Variants in IPO8 observed in about 807,000 individuals in gnomAD.
IPO8 encodes the protein importin 8, also known as importin-8.
In IPO8, 65 loss-of-function variants were observed where a neutral mutation model predicts 141.2. That is an observed-to-expected ratio of 0.46 (90% CI 0.38 to 0.57). The LOEUF is 0.57. Ranked by LOEUF, IPO8 falls within the 20% of genes least tolerant of loss-of-function variation. IPO8 has a pLI of 0.00. For synonymous variants in IPO8, 411 were observed against 420.3 expected (o/e 0.98, Z 0.27); for missense variants, 980 against 1,246.8 (o/e 0.79, Z 3.22).
chr12:30,684,331 T>C lies in IPO8; in HGVS notation c.293A>G (p.Glu98Gly). 6.2e-7 allele frequency: 1 copy of C among 1,614,138 alleles called. No homozygotes were observed. Among genetic ancestry groups the C allele is most frequent in the East Asian group, 2.2e-5 (1 of 44,878 alleles). ...TAAATCTGGAGACCGAATTATTCCT[T>C]CCACAATGTTATCACGTATTTGCTG... ...DRQQIRDNIV[E>G]GIIRSPDLVR... The change falls in exon 3 of 25, where the codon GAA (glutamate) becomes GGA (glycine). Residue 98 changes from glutamate (E) to glycine (G), a missense_variant. By Grantham distance (98) the Glu-to-Gly change is moderately conservative (BLOSUM62 -2). Transcript: ENST00000256079.
At chr12:30,689,813 A>G (rs2053274575) in intron 2 of IPO8, among the ~76,000 whole-genome samples, 1 of 152,240 alleles carries the variant, frequency 6.6e-6, no homozygotes, top group Non-Finnish European at 1.5e-5. Flanking sequence ...ACTTACATGT[A>G]TATGTCACTT....
intron 24 of IPO8, chr12:30,631,689 T>C (rs764247440): frequency 4.3e-5 from 20 of 466,348 alleles, no homozygotes; most frequent in Non-Finnish European, 6.2e-5. Context: ...CACTAGGAAA[T>C]ACATATTAAT....
chr12:30,657,499 C>T (rs148263563), intron 16 of IPO8, among the ~76,000 whole-genome samples: 5 of 152,020 alleles, frequency 3.3e-5, no homozygotes, highest in African/African-American at 7.2e-5. Flanking sequence ...TCAAACTTAC[C>T]CATACAAATG....
chr12:30,671,054 C>T lies in IPO8; in HGVS notation c.952G>A (p.Val318Ile). 6.2e-7 allele frequency: 1 copy of T among 1,607,626 alleles called. No individual in the cohort carries two copies. Among genetic ancestry groups the T allele is most frequent in the Non-Finnish European group, 8.5e-7 (1 of 1,174,170 alleles). The change falls in exon 9 of 25, where the codon GTA becomes ATA. Residue 318 changes from valine (V) to isoleucine (I), a missense_variant. Around this residue, in one of 3 missense-constraint regions of IPO8, gnomAD observed 924 missense variants for 1,153.9 expected, o/e 0.80. Transcript: ENST00000256079. Reference protein sequence around the residue: ...ILDQYRQKEYVAPRVLQQAFN... With the variant: ...ILDQYRQKEYIAPRVLQQAFN... ...GCTTGCTGAAGAACACGGGGAGCTACATATTCTTTCTGTCTATATTGATCT... is the reference window on the plus strand; with the variant it reads ...GCTTGCTGAAGAACACGGGGAGCTATATATTCTTTCTGTCTATATTGATCT...
intron 20 of IPO8, among the ~76,000 whole-genome samples, chr12:30,641,115 C>T (rs867734667): frequency 6.6e-5 from 10 of 151,992 alleles, no homozygotes; most frequent in African/African-American, 1.9e-4. Context: ...AAAACAAAAT[C>T]GATTATGGAA....
At chr12:30,633,635 G>T (rs12370947) in intron 23 of IPO8, among the ~76,000 whole-genome samples, 6 of 151,964 alleles carry the variant, frequency 3.9e-5, no homozygotes, top group Admixed American at 3.3e-4. Flanking sequence ...TATAAAATTG[G>T]CAAATTACTT....
intron 20 of IPO8, 22 bp downstream of exon 20, chr12:30,649,115 G>A: frequency 6.7e-7 from 1 of 1,497,920 alleles, no homozygotes; most frequent in Non-Finnish European, 9.3e-7. Flanking sequence ...CTCAAGTAAG[G>A]CACTTTCCAG....
chr12:30,680,391 T>G (rs1471047734), intron 5 of IPO8, 91 bp downstream of exon 5: 7 of 985,146 alleles, frequency 7.1e-6, no homozygotes, highest in Non-Finnish European at 1.0e-5. Context: ...TACAAAATAA[T>G]TTTTAATAAT....
Position 30,637,202 on chromosome 12 carries a change from GAA to G in IPO8, c.2490-17_2490-16del. The G allele has an allele frequency of 6.8e-7, 1 of 1,463,942 alleles. No homozygotes were observed. The highest frequency in any genetic ancestry group is 9.2e-7 in the Non-Finnish European group (1 of 1,083,732). The allele number at this position is 1,463,942 out of a possible 1,614,324, so 90.7% of individuals were successfully genotyped here. On this transcript the variant is annotated splice_polypyrimidine_tract_variant and intron_variant, in intron 21 of 24. Coordinates refer to ENST00000256079, the MANE Select transcript of IPO8 (RefSeq NM_006390.4). ...GGTCATGATGCCTGCAAATTTTGAA[GAA>G]AAAAAAAATGTAGACATGAGAAGTG...
intron 20 of IPO8, among the ~76,000 whole-genome samples, chr12:30,640,347 G>A (rs2052559394): frequency 6.6e-6 from 1 of 151,902 alleles, no homozygotes; most frequent in Non-Finnish European, 1.5e-5. Flanking sequence ...TAAAATCTGA[G>A]GTCTTACTAT....
chr12:30,630,465 CA>C lies in IPO8; in HGVS notation c.*394del. On this transcript the variant is annotated 3_prime_UTR_variant, in exon 25 of 25. Coordinates refer to ENST00000256079, the MANE Select transcript of IPO8 (RefSeq NM_006390.4). ...CTTTAAAAAAAATTGCAATGCACTC[CA>C]AAAATTTTTTTCTGATAATTCATGT... is the stretch of plus-strand genomic sequence containing the variant. The C allele has an allele frequency of 5.8e-6, 1 of 172,356 alleles. No individual in the cohort carries two copies. The highest frequency in any genetic ancestry group is 1.2e-5 in the Non-Finnish European group (1 of 82,192). The allele number at this position is 172,356 out of a possible 1,614,324, so 10.7% of individuals were successfully genotyped here.
chr12:30,647,415 C>T (rs774410100), intron 20 of IPO8, among the ~76,000 whole-genome samples: 3 of 151,744 alleles, frequency 2.0e-5, no homozygotes, highest in South Asian at 2.1e-4. Flanking sequence ...AATATGACAA[C>T]GGCTGGGTAC....
At position 30,684,402 on chromosome 12, in the gene IPO8, T is replaced by C; in HGVS notation, c.222A>G (p.Pro74=). The C allele has an allele frequency of 6.2e-7, 1 of 1,614,154 alleles. No homozygotes were observed. The highest frequency in any genetic ancestry group is 8.5e-7 in the Non-Finnish European group (1 of 1,180,012). ...TGAATGGAAATATTGCTTCTCCTGG[T>C]GGAGGTTCTCGATCTGGCCAGTATT... ...VTQYWPDREP[P]PGEAIFPFNI... The change falls in exon 3 of 25, where the codon CCA becomes CCG. Residue 74 remains proline (P), a synonymous_variant. Transcript: ENST00000256079.
At chr12:30,661,112 TTATATC>T (rs770689188) in intron 16 of IPO8, 23 bp downstream of exon 16, 1 of 348,152 alleles carries the variant, frequency 2.9e-6, no homozygotes, top group Non-Finnish European at 3.9e-6. Context: ...AATGCTACTA[TTATATC>T]ATAAACCACA....
intron 20 of IPO8, among the ~76,000 whole-genome samples, chr12:30,643,328 A>G (rs1018420655): frequency 2.6e-5 from 4 of 152,164 alleles, no homozygotes; most frequent in African/African-American, 9.7e-5. Context: ...TGTAATCACT[A>G]ATTTACAGGA....
intron 14 of IPO8, 149 bp downstream of exon 14, chr12:30,663,340 A>C (rs1460386618): frequency 1.6e-6 from 1 of 608,566 alleles, no homozygotes; most frequent in Non-Finnish European, 2.7e-6. Flanking sequence ...ACACCTAAAA[A>C]GGACAAGAAT....
At chr12:30,645,121 C>A (rs958724120) in intron 20 of IPO8, among the ~76,000 whole-genome samples, 11 of 151,770 alleles carry the variant, frequency 7.2e-5, no homozygotes, top group Admixed American at 2.6e-4. Flanking sequence ...CGCCTGTAAT[C>A]CCAGCACTTT....
At chr12:30,634,357 AC>A in intron 22 of IPO8, 71 bp from the exon 23 acceptor site, 1 of 1,268,888 alleles carries the variant, frequency 7.9e-7, no homozygotes, top group Non-Finnish European at 1.1e-6. Context: ...CACGACAAAA[AC>A]CAAAGACTAT....
At chr12:30,638,460 G>A (rs2136126752) in intron 21 of IPO8, among the ~76,000 whole-genome samples, 1 of 152,274 alleles carries the variant, frequency 6.6e-6, no homozygotes, top group East Asian at 1.9e-4. Flanking sequence ...TGGCAGCAGT[G>A]TCTTAACCAC....
Sources: gnomAD v4.1 joint callset for allele counts (sites outside exome capture counted in the v4.1 genomes callset) on GRCh38, gnomAD v4.1.1 for gene constraint, gnomAD v4.1.1 regional missense constraint, MANE v1.5 for transcripts, NCBI Gene and HGNC (gene_info 2026-07-23, HGNC 2026-07-21) for gene names.